PCDHGB5: variants seen among roughly 807,000 people sequenced by gnomAD.
PCDHGB5 encodes the protein protocadherin gamma subfamily B, 5.
PCDHGB5 carries 48 observed loss-of-function variants against 62.9 expected under a neutral mutation model. The observed-to-expected ratio is 0.76, with a 90% CI of 0.61 to 0.97. The LOEUF is 0.97. PCDHGB5 is among the 50% of genes least tolerant of loss of function. PCDHGB5 has a pLI of 0.00. For missense variants in PCDHGB5, 1,118 were observed against 1,198.6 expected (o/e 0.93, Z 0.99); for synonymous variants, 474 against 511.2 (o/e 0.93, Z 0.98).
chr5:141,415,077 A>C, intron 1 of PCDHGB5: 2 of 1,613,468 alleles, frequency 1.2e-6, no homozygotes, highest in Non-Finnish European at 1.7e-6. Flanking sequence ...GCACGGCGCG[A>C]GCCCTGCTGG....
In PCDHGB5 at chr5:141,491,492, T is replaced by G. The variant is rs763487622; in HGVS notation, c.2398-3315T>G. On this transcript the variant is annotated intron_variant, in intron 1 of 3. Coordinates refer to ENST00000617380, the MANE Select transcript of PCDHGB5 (RefSeq NM_018925.3). This position sits in a 1 kb window ranked among gnomAD's most constrained non-coding sequence, Gnocchi z 6.9. ...AAGCAGTCCAGCCCCAACCTGCAGG[T>G]GAGCTCGGACGGCACGCTCAAGTAC... 3.1e-6 allele frequency: 5 copies of G among 1,614,024 alleles called. No homozygotes were observed. The highest frequency in any genetic ancestry group is 3.4e-6 in the Non-Finnish European group (4 of 1,180,006).
At chr5:141,440,779 GC>G (rs2154559027) in intron 1 of PCDHGB5, 1 of 152,294 alleles carries the variant, frequency 6.6e-6, no homozygotes, top group Admixed American at 6.5e-5. Flanking sequence ...AGTGCTAGCA[GC>G]CTTAGACGGC....
chr5:141,462,623 T>C (rs992165332), intron 1 of PCDHGB5, among the ~76,000 whole-genome samples: 3 of 150,992 alleles, frequency 2.0e-5, no homozygotes, highest in Non-Finnish European at 4.4e-5. Context: ...CTTTTAGAAG[T>C]TCCATTTGAC....
chr5:141,477,765 A>C lies in PCDHGB5; in HGVS notation c.2398-17042A>C, dbSNP rs752391870. The C allele has an allele frequency of 6.2e-7, 1 of 1,614,026 alleles. No individual in the cohort carries two copies. Among genetic ancestry groups the C allele is most frequent in the Non-Finnish European group, 8.5e-7 (1 of 1,180,036 alleles). Reference sequence around the variant, plus strand: ...GGGGGCACCCCGGTCCTAGCCACCAACATCAGCGTGAACATATTTGTCACT... The same window carrying C: ...GGGGGCACCCCGGTCCTAGCCACCACCATCAGCGTGAACATATTTGTCACT... On this transcript the variant is annotated intron_variant, in intron 1 of 3. Coordinates refer to ENST00000617380, the MANE Select transcript of PCDHGB5 (RefSeq NM_018925.3). The surrounding 1 kb of genome is among the most constrained non-coding windows in gnomAD (Gnocchi z 4.9).
At chr5:141,415,023 C>A (rs1213037511) in intron 1 of PCDHGB5, 1 of 1,613,530 alleles carries the variant, frequency 6.2e-7, no homozygotes, top group East Asian at 2.2e-5. Flanking sequence ...TCAAGGCCAG[C>A]GAGCCGGGAC....
At chr5:141,419,439 C>G (rs375537017) in intron 1 of PCDHGB5, 1 of 1,613,154 alleles carries the variant, frequency 6.2e-7, no homozygotes, top group Non-Finnish European at 8.5e-7. Context: ...CAGCTGCGCA[C>G]CTTCGAGCTC....
rs769074023 is a variant in PCDHGB5 at position 141,491,738 on chromosome 5, G to T, written c.2398-3069G>T. On this transcript the variant is annotated intron_variant, in intron 1 of 3. Transcript: ENST00000617380. The surrounding 1 kb of genome is among the most constrained non-coding windows in gnomAD (Gnocchi z 6.9). The stretch of plus-strand genomic sequence containing the variant: ...GCGCCGCCCCGGGCGACCCCTGGGG[G>T]CGGCACTGGAGAAGCCGCCCGTCCT... 38 of 1,600,228 alleles carry T rather than the reference G, an allele frequency of 2.4e-5. No homozygotes were observed. The highest frequency in any genetic ancestry group is 3.1e-5 in the Non-Finnish European group (36 of 1,174,204).
intron 1 of PCDHGB5, among the ~76,000 whole-genome samples, chr5:141,484,030 T>G (rs1290301073): frequency 6.6e-6 from 1 of 151,022 alleles, no homozygotes; most frequent in African/African-American, 2.4e-5. Flanking sequence ...TGAGATCAAG[T>G]CTCCAGCTCC....
In PCDHGB5 at chr5:141,432,091, C is replaced by A. The variant is rs370491149; in HGVS notation, c.2397+31567C>A. ...CTCATATCTCGCTGAACGTGGCAGA[C>A]ACCAACGACAACCCGCCGGTCTTCC... On this transcript the variant is annotated intron_variant, in intron 1 of 3. Coordinates refer to ENST00000617380, the MANE Select transcript of PCDHGB5 (RefSeq NM_018925.3). This position sits in a 1 kb window ranked among gnomAD's most constrained non-coding sequence, Gnocchi z 6.0. 6.2e-7 allele frequency: 1 copy of A among 1,614,056 alleles called. No individual in the cohort carries two copies. Among genetic ancestry groups the A allele is most frequent in the African/African-American group, 1.3e-5 (1 of 74,908 alleles).
intron 1 of PCDHGB5, among the ~76,000 whole-genome samples, chr5:141,469,031 C>T (rs963001535): frequency 1.3e-5 from 2 of 152,070 alleles, no homozygotes; most frequent in Admixed American, 6.6e-5. Flanking sequence ...AATCCCAGCA[C>T]TTTGGGAGGC....
Position 141,438,591 on chromosome 5 carries a change from C to CAT in PCDHGB5, c.2397+38111_2397+38112dup, listed in dbSNP as rs946798767. On this transcript the variant is annotated intron_variant, in intron 1 of 3. Coordinates refer to ENST00000617380, the MANE Select transcript of PCDHGB5 (RefSeq NM_018925.3). ...TCTGATATACATACATACATACATA[C>CAT]ATATATATATATATATATATATATA... Among the ~76,000 whole-genome samples the CAT allele has an allele frequency of 6.3e-3, 476 of 75,268 alleles. 1 individual carries two copies. The highest frequency in any genetic ancestry group is 9.5e-3 in the Non-Finnish European group (352 of 37,106). 49.4% of individuals were successfully genotyped at this position (75,268 alleles called of 152,430 possible). A position where few individuals can be genotyped will look rare whatever the true frequency, so the allele number is the denominator to read the frequency against.
chr5:141,417,963 A>C (rs1260025037), intron 1 of PCDHGB5: 1 of 1,613,258 alleles, frequency 6.2e-7, no homozygotes, highest in Non-Finnish European at 8.5e-7. Flanking sequence ...CCGATCCGCT[A>C]CTCGATTCCG....
chr5:141,432,722 T>G lies in PCDHGB5; in HGVS notation c.2397+32198T>G, dbSNP rs2097531915. 6.2e-7 allele frequency: 1 copy of G among 1,613,646 alleles called. No homozygotes were observed. Among genetic ancestry groups the G allele is most frequent in the African/African-American group, 1.3e-5 (1 of 74,900 alleles). ...CCAGGACCACGGCCAGCCCCCTCTC[T>G]CCGCCACTGTCACGCTCACCGTGGC... On this transcript the variant is annotated intron_variant, in intron 1 of 3. Coordinates refer to ENST00000617380, the MANE Select transcript of PCDHGB5 (RefSeq NM_018925.3). The surrounding 1 kb of genome is among the most constrained non-coding windows in gnomAD (Gnocchi z 6.0).
At chr5:141,496,581 C>T (rs868326584) in intron 2 of PCDHGB5, among the ~76,000 whole-genome samples, 9 of 152,134 alleles carry the variant, frequency 5.9e-5, no homozygotes, top group African/African-American at 1.9e-4. Flanking sequence ...ATTTTAGGAA[C>T]GCAAAGCGCT....
In PCDHGB5 at chr5:141,512,223, C is replaced by G. The variant is rs1321595614; in HGVS notation, c.*1050C>G. 6.5e-6 allele frequency: 1 copy of G among 152,728 alleles called. No individual in the cohort carries two copies. The highest frequency in any genetic ancestry group is 1.5e-5 in the Non-Finnish European group (1 of 68,110). 9.5% of individuals were successfully genotyped at this position (152,728 alleles called of 1,614,324 possible). ...CTCGAAGCAGGTTTAGGACCAGGTC[C>G]CCTTGAGAGGTCAGAGGGGCCTCTG... On this transcript the variant is annotated 3_prime_UTR_variant, in exon 4 of 4. Transcript: ENST00000617380.
intron 1 of PCDHGB5, among the ~76,000 whole-genome samples, chr5:141,448,871 G>A (rs1326162054): frequency 6.6e-6 from 1 of 152,148 alleles, no homozygotes; most frequent in Non-Finnish European, 1.5e-5. Flanking sequence ...CGTGAACCTG[G>A]GAGGCGGAGC....
At chr5:141,418,912 ACT>A (rs1457793463) in intron 1 of PCDHGB5, 2 of 1,613,770 alleles carry the variant, frequency 1.2e-6, no homozygotes, top group Non-Finnish European at 1.7e-6. Flanking sequence ...TCATCACGTC[ACT>A]CTCTGATCAG....
At chr5:141,499,186 T>A (rs1332703037) in intron 2 of PCDHGB5, among the ~76,000 whole-genome samples, 2 of 152,036 alleles carry the variant, frequency 1.3e-5, no homozygotes, top group Non-Finnish European at 2.9e-5. Context: ...AGCAAACCAT[T>A]TCCCCCTTCT....
At chr5:141,494,564 G>A (rs2099755274) in intron 1 of PCDHGB5, among the ~76,000 whole-genome samples, 1 of 152,138 alleles carries the variant, frequency 6.6e-6, no homozygotes, top group Non-Finnish European at 1.5e-5. Context: ...TTTAGGAAAG[G>A]AGTCTCAGCT....
Sources: allele counts gnomAD v4.1 joint callset (sites outside exome capture counted in the v4.1 genomes callset), GRCh38; gene constraint gnomAD v4.1.1; non-coding constraint Gnocchi (gnomAD v3.1); transcripts MANE v1.5; gene names NCBI Gene and HGNC (gene_info 2026-07-23, HGNC 2026-07-21).